Variants in CPZ observed in about 807,000 individuals in gnomAD.
CPZ encodes the protein VEZT/CPZ fusion.
CPZ carries 103 observed loss-of-function variants against 61.8 expected under a neutral mutation model. The ratio of observed to expected loss-of-function variants is 1.67; its 90% confidence interval spans 1.42 to 1.96. The LOEUF is 1.96. Ranked by LOEUF, CPZ falls within the 30% of genes most tolerant of loss-of-function variation. CPZ has a pLI of 0.00. For synonymous variants in CPZ, 551 were observed against 373.7 expected, an observed-to-expected ratio of 1.47 and a Z score of -5.47; for missense variants, 1,461 against 914.9, an observed-to-expected ratio of 1.60 and a Z score of -7.70.
chr4:8,601,148 G>A lies in CPZ; in HGVS notation c.147G>A (p.Arg49=). Residue 49 remains arginine (R), a synonymous_variant, in exon 3 of 11, where the codon AGG becomes AGA. Transcript: ENST00000360986. ...CCACCTGCGTGGACCTGCAGCTCAG[G>A]ACCTGCAGCGATGCCGCCTACAACC... is the stretch of plus-strand genomic sequence containing the variant. ...DSATCVDLQL[R]TCSDAAYNHT... 6.3e-7 allele frequency: 1 copy of A among 1,590,192 alleles called. No homozygotes were observed. Among genetic ancestry groups the A allele is most frequent in the Admixed American group, 1.7e-5 (1 of 59,184 alleles).
In CPZ at chr4:8,601,326, T is replaced by A; in HGVS notation, c.325T>A (p.Cys109Ser). The A allele has an allele frequency of 1.2e-6, 2 of 1,608,906 alleles. No homozygotes were observed. Among genetic ancestry groups the A allele is most frequent in the Non-Finnish European group, 1.7e-6 (2 of 1,176,752 alleles). The change falls in exon 3 of 11, where the codon TGT (cysteine) becomes AGT (serine). Residue 109 changes from cysteine to serine, a missense_variant. Cys to Ser is a moderately radical substitution (Grantham distance 112, BLOSUM62 -1). Coordinates refer to ENST00000360986, the MANE Select transcript of CPZ (RefSeq NM_001014447.3). Reference sequence around the variant, plus strand: ...GGGCTGTGCTGTGCTGGCCCCCCGGTGTGAGGGCGGCTGGGTGCGCAGACC... The same window carrying A: ...GGGCTGTGCTGTGCTGGCCCCCCGGAGTGAGGGCGGCTGGGTGCGCAGACC... ...LLGCAVLAPR[C>S]EGGWVRRPCR...
At chr4:8,608,100 G>A (rs1715197069) in intron 7 of CPZ, among the ~76,000 whole-genome samples, 2 of 151,916 alleles carry the variant, frequency 1.3e-5, no homozygotes, top group East Asian at 3.9e-4. Context: ...AGCGGAGGCT[G>A]AGGGAGGGGT....
chr4:8,609,313 GCACTTATTCACT>G (rs1427750066), intron 7 of CPZ, among the ~76,000 whole-genome samples: 5 of 122,796 alleles, frequency 4.1e-5, no homozygotes, highest in African/African-American at 8.0e-5. Context: ...ATTCACTCAT[GCACTTATTCACT>G]CACTTTTTCA....
At position 8,619,450 on chromosome 4, in the gene CPZ, A is replaced by T. The variant is rs2109352972; in HGVS notation, c.1792A>T (p.Thr598Ser). ...GAACTTTATTCATGGGCTGCGGAGG[A>T]CTGGGCCCCACGACCCACTGGGAGG... is the stretch of plus-strand genomic sequence containing the variant. ...PKNFIHGLRR[T>S]GPHDPLGGAS... The change falls in exon 11 of 11, where the codon ACT becomes TCT. Residue 598 changes from threonine to serine, a missense_variant. Coordinates refer to ENST00000360986, the MANE Select transcript of CPZ (RefSeq NM_001014447.3). The T allele has an allele frequency of 3.7e-6, 6 of 1,612,960 alleles. No homozygotes were observed. The highest frequency in any genetic ancestry group is 1.1e-5 in the South Asian group (1 of 90,890).
At chr4:8,609,123 CTCAT>C (rs141705783) in intron 7 of CPZ, among the ~76,000 whole-genome samples, 9,016 of 48,412 alleles carry the variant, frequency 0.19, 344 homozygotes, top group South Asian at 0.28. Context: ...CACTCCCTCA[CTCAT>C]TCACTCATTT....
chr4:8,607,888 G>T (rs73213381), intron 7 of CPZ, among the ~76,000 whole-genome samples: 9,322 of 152,242 alleles, frequency 0.061, 565 homozygotes, highest in African/African-American at 0.15. Flanking sequence ...CCTCCGGATG[G>T]GGAAGGAGTT....
intron 3 of CPZ, 153 bp from the exon 4 acceptor site, chr4:8,603,823 C>A: frequency 1.5e-6 from 1 of 674,236 alleles, no homozygotes; most frequent in Non-Finnish European, 2.6e-6. Flanking sequence ...TCGTTGTAGG[C>A]ACTGCAGAGG....
intron 8 of CPZ, among the ~76,000 whole-genome samples, chr4:8,613,541 G>C (rs1241903130): frequency 6.6e-6 from 1 of 152,250 alleles, no homozygotes; most frequent in Non-Finnish European, 1.5e-5. Flanking sequence ...GGCAGGGACT[G>C]TCAACAGCAG....
chr4:8,610,371 A>C (rs896964966), intron 7 of CPZ, among the ~76,000 whole-genome samples: 3 of 152,192 alleles, frequency 2.0e-5, no homozygotes, highest in Admixed American at 6.5e-5. Flanking sequence ...GGTGGTCGGC[A>C]GCCACCTTCC....
At position 8,619,298 on chromosome 4, in the gene CPZ, G is replaced by A. The variant is rs978234544; in HGVS notation, c.1640G>A (p.Gly547Asp). ...GACTACTGGAGACTGCTGCCCCCAGGTATCCACATTGTCATTGCCCAAGCC... is the reference window on the plus strand; with the variant it reads ...GACTACTGGAGACTGCTGCCCCCAGATATCCACATTGTCATTGCCCAAGCC... ...DGDYWRLLPPGIHIVIAQAPG... is the reference protein window; with the variant it reads ...DGDYWRLLPPDIHIVIAQAPG... The change falls in exon 11 of 11, where the codon GGT (glycine) becomes GAT (aspartate). Residue 547 changes from glycine (G) to aspartate (D), a missense_variant. Physicochemically the swap from Gly to Asp is moderately conservative, Grantham distance 94. Transcript: ENST00000360986. The A allele has an allele frequency of 3.1e-6, 5 of 1,613,528 alleles. No individual in the cohort carries two copies. In the East Asian group the frequency reaches 8.9e-5, roughly 29 times the overall value.
chr4:8,592,805 G>C lies in CPZ; in HGVS notation c.-29G>C. 7.1e-7 allele frequency: 1 copy of C among 1,415,766 alleles called. No individual in the cohort carries two copies. The highest frequency in any genetic ancestry group is 9.2e-7 in the Non-Finnish European group (1 of 1,086,224). The allele number at this position is 1,415,766 out of a possible 1,614,324, so 87.7% of individuals were successfully genotyped here. A position where few individuals can be genotyped will look rare whatever the true frequency, so the allele number is the denominator to read the frequency against. Reference sequence around the variant, plus strand: ...CGCGGCCCGAGTGCCACATCACTGCGCTGGCCGTCCAAGGTCCGCCGCCCC... The same window carrying C: ...CGCGGCCCGAGTGCCACATCACTGCCCTGGCCGTCCAAGGTCCGCCGCCCC... On this transcript the variant is annotated 5_prime_UTR_variant, in exon 1 of 11. Coordinates refer to ENST00000360986, the MANE Select transcript of CPZ (RefSeq NM_001014447.3).
intron 7 of CPZ, among the ~76,000 whole-genome samples, chr4:8,608,478 G>A (rs367567576): frequency 3.3e-5 from 5 of 152,176 alleles, no homozygotes; most frequent in African/African-American, 9.7e-5. Flanking sequence ...TGGCACTCAG[G>A]TATCAGCCCT....
At position 8,614,364 on chromosome 4, in the gene CPZ, T is replaced by TCCGA. The variant is rs1161805745; in HGVS notation, c.1370_1373dup (p.Phe459ArgfsTer11). 1.9e-6 allele frequency: 3 copies of TCCGA among 1,613,182 alleles called. No individual in the cohort carries two copies. In the South Asian group the frequency reaches 3.3e-5, roughly 18 times the overall value. ...CCGCTGTCTCTGTGCCACAGGCATG[T>TCCGA]CCGATTTCAACTACCTGCACACCAA... On this transcript the variant is annotated frameshift_variant, in exon 9 of 11. Coordinates refer to ENST00000360986, the MANE Select transcript of CPZ (RefSeq NM_001014447.3). LOFTEE classifies it high-confidence loss of function.
intron 6 of CPZ, 128 bp downstream of exon 6, chr4:8,607,026 CCTGT>C (rs1715094974): frequency 4.2e-6 from 5 of 1,189,412 alleles, no homozygotes; most frequent in Non-Finnish European, 5.8e-6. Context: ...GCCTCAGTTA[CCTGT>C]CTGTGAAATG....
chr4:8,619,204 A>G, intron 10 of CPZ, 58 bp from the exon 11 acceptor site: 1 of 1,428,848 alleles, frequency 7.0e-7, no homozygotes, highest in Non-Finnish European at 9.5e-7. Context: ...ATCACCCATC[A>G]CCCCGTGGCT....
chr4:8,610,815 G>A (rs1401758112), intron 7 of CPZ, among the ~76,000 whole-genome samples: 1 of 152,134 alleles, frequency 6.6e-6, no homozygotes, highest in African/African-American at 2.4e-5. Context: ...TTGTGTTTGT[G>A]CCCTTGGTTT....
In CPZ at chr4:8,601,199, G is replaced by T; in HGVS notation, c.198G>T (p.Gln66His). The T allele has an allele frequency of 6.2e-7, 1 of 1,613,032 alleles. No individual in the cohort carries two copies. Among genetic ancestry groups the T allele is most frequent in the Non-Finnish European group, 8.5e-7 (1 of 1,179,684 alleles). Reference protein sequence around the residue: ...YNHTTFPNLLQHRSWEVVEAS... With the variant: ...YNHTTFPNLLHHRSWEVVEAS... Reference sequence around the variant, plus strand: ...ACACCACCTTCCCCAACCTGCTTCAGCACCGGTCGTGGGAGGTGGTGGAGG... The same window carrying T: ...ACACCACCTTCCCCAACCTGCTTCATCACCGGTCGTGGGAGGTGGTGGAGG... Residue 66 changes from glutamine to histidine, a missense_variant, in exon 3 of 11, where the codon CAG becomes CAT. Coordinates refer to ENST00000360986, the MANE Select transcript of CPZ (RefSeq NM_001014447.3).
At chr4:8,606,393 C>T (rs761275734) in intron 5 of CPZ, among the ~76,000 whole-genome samples, 94 of 152,094 alleles carry the variant, frequency 6.2e-4, no homozygotes, top group Non-Finnish European at 9.7e-4. Context: ...AAAGGTGATG[C>T]GTGTGATAGA....
At chr4:8,609,624 G>C (rs969768665) in intron 7 of CPZ, among the ~76,000 whole-genome samples, 4 of 152,098 alleles carry the variant, frequency 2.6e-5, no homozygotes, top group African/African-American at 4.8e-5. Flanking sequence ...GGCCCAGTGT[G>C]TCTCAGCCTC....
Sources: allele counts gnomAD v4.1 joint callset (sites outside exome capture counted in the v4.1 genomes callset), GRCh38; gene constraint gnomAD v4.1.1; transcripts MANE v1.5; gene names NCBI Gene and HGNC (gene_info 2026-07-23, HGNC 2026-07-21).